ADARB2: variants seen among roughly 807,000 people sequenced by gnomAD.
ADARB2 encodes the protein inactive double-stranded RNA-specific editase B2.
Under a neutral mutation model 62.2 loss-of-function variants are expected in ADARB2, and 25 were observed. The ratio of observed to expected loss-of-function variants is 0.40; its 90% CI spans 0.29 to 0.56. The LOEUF (loss-of-function observed/expected upper bound fraction) is 0.56. Ranked by LOEUF, ADARB2 falls within the 20% of genes least tolerant of loss-of-function variation. The probability of loss-of-function intolerance (pLI) is 0.43; values close to 1 mark genes in which losing one functional copy is unlikely to be tolerated. For missense variants in ADARB2, 1,071 were observed against 1,077.4 expected, an observed-to-expected ratio of 0.99 and a Z score of 0.08; for synonymous variants, 572 against 500.8, an observed-to-expected ratio of 1.14 and a Z score of -1.90.
chr10:1,562,163 C>T (rs1430381537), intron 1 of ADARB2, among the ~76,000 whole-genome samples: 1 of 152,094 alleles, frequency 6.6e-6, no homozygotes, highest in Non-Finnish European at 1.5e-5. Flanking sequence ...TCTCACCCCG[C>T]CCAACCCCCT....
intron 1 of ADARB2, among the ~76,000 whole-genome samples, chr10:1,574,573 C>A (rs771896380): frequency 3.9e-5 from 6 of 152,082 alleles, no homozygotes; most frequent in Non-Finnish European, 7.4e-5. Context: ...GTCGGCAGGG[C>A]TGGTTCCTCC....
chr10:1,231,259 T>G lies in ADARB2; in HGVS notation c.1513+2435A>C, dbSNP rs183109749. On this transcript the variant is annotated intron_variant, in intron 6 of 9. Coordinates refer to ENST00000381312, the MANE Select transcript of ADARB2 (RefSeq NM_018702.4). Reference sequence around the variant, plus strand: ...TTTTCCTCTCAATTCTGAGGGTTCCTAGCTGGGTCTTTACGATGCCAACCC... The same window carrying G: ...TTTTCCTCTCAATTCTGAGGGTTCCGAGCTGGGTCTTTACGATGCCAACCC... Among the ~76,000 whole-genome samples the G allele has an allele frequency of 1.5e-3, 228 of 152,358 alleles. 1 individual carries two copies. The highest frequency in any genetic ancestry group is 4.5e-3 in the African/African-American group (188 of 41,584).
chr10:1,598,300 C>T (rs1833363545), intron 1 of ADARB2, among the ~76,000 whole-genome samples: 1 of 152,126 alleles, frequency 6.6e-6, no homozygotes, highest in Non-Finnish European at 1.5e-5. Flanking sequence ...GGTGGGTGCA[C>T]TGAGACATCC....
chr10:1,528,980 T>C (rs1200592997), intron 1 of ADARB2, among the ~76,000 whole-genome samples: 1 of 152,164 alleles, frequency 6.6e-6, no homozygotes, highest in Non-Finnish European at 1.5e-5. Flanking sequence ...TAGCTTTGCT[T>C]TGGACTAGTT....
intron 7 of ADARB2, among the ~76,000 whole-genome samples, chr10:1,203,478 A>G (rs945224420): frequency 6.6e-6 from 1 of 152,210 alleles, no homozygotes; most frequent in African/African-American, 2.4e-5. Context: ...GTAACTCTCT[A>G]AAGTTACATG....
chr10:1,515,012 C>G (rs955129695), intron 1 of ADARB2, among the ~76,000 whole-genome samples: 1 of 152,090 alleles, frequency 6.6e-6, no homozygotes. Context: ...TGTGAACAGG[C>G]GTTTACACTG....
chr10:1,720,926 G>C (rs1326193610), intron 1 of ADARB2, among the ~76,000 whole-genome samples: 2 of 152,178 alleles, frequency 1.3e-5, no homozygotes, highest in Admixed American at 1.3e-4. Flanking sequence ...AGAAAGCAAA[G>C]GCACCCACCT....
chr10:1,427,381 C>G (rs1426235878), intron 1 of ADARB2, among the ~76,000 whole-genome samples: 1 of 152,190 alleles, frequency 6.6e-6, no homozygotes, highest in African/African-American at 2.4e-5. Flanking sequence ...AACTTAGTAA[C>G]AAAGTCGGCA....
At chr10:1,470,367 G>A (rs1357759618) in intron 1 of ADARB2, among the ~76,000 whole-genome samples, 4 of 152,130 alleles carry the variant, frequency 2.6e-5, no homozygotes, top group East Asian at 1.9e-4. Flanking sequence ...CATATCCTTC[G>A]CTAAGATGCT....
intron 3 of ADARB2, among the ~76,000 whole-genome samples, chr10:1,306,505 A>G (rs939288678): frequency 4.6e-5 from 7 of 152,148 alleles, no homozygotes; most frequent in African/African-American, 1.4e-4. Context: ...TGCAGATTCA[A>G]TGCCATCCCC....
At chr10:1,447,032 G>A (rs764469499) in intron 1 of ADARB2, among the ~76,000 whole-genome samples, 1 of 152,140 alleles carries the variant, frequency 6.6e-6, no homozygotes, top group Non-Finnish European at 1.5e-5. Flanking sequence ...TGTAAAACAC[G>A]AATGAAATTT....
chr10:1,531,479 CA>C (rs1246318436), intron 1 of ADARB2, among the ~76,000 whole-genome samples: 1 of 152,228 alleles, frequency 6.6e-6, no homozygotes, highest in Non-Finnish European at 1.5e-5. Flanking sequence ...AACTGCAGCT[CA>C]GTCAAGCATT....
chr10:1,556,179 G>A (rs988840945), intron 1 of ADARB2, among the ~76,000 whole-genome samples: 2 of 151,952 alleles, frequency 1.3e-5, no homozygotes, highest in East Asian at 1.9e-4. Context: ...ACGAGGACAC[G>A]GCTTCAGGGC....
intron 1 of ADARB2, among the ~76,000 whole-genome samples, chr10:1,456,470 G>A (rs1188255958): frequency 6.6e-6 from 1 of 151,968 alleles, no homozygotes; most frequent in Non-Finnish European, 1.5e-5. Context: ...CATGCCTCCC[G>A]TCCCCGGCCC....
intron 1 of ADARB2, among the ~76,000 whole-genome samples, chr10:1,567,809 A>C (rs1427289518): frequency 2.6e-5 from 4 of 152,184 alleles, no homozygotes. Flanking sequence ...GCGTTTGTTG[A>C]AGGAATGGGA....
chr10:1,300,123 G>T (rs61832043), intron 3 of ADARB2, among the ~76,000 whole-genome samples: 65,536 of 152,048 alleles, frequency 0.43, 15,987 homozygotes, highest in East Asian at 0.69. Flanking sequence ...ATCCTTCCCT[G>T]TTTTGGTGCT....
At chr10:1,195,466 T>C (rs763759774) in intron 8 of ADARB2, among the ~76,000 whole-genome samples, 24 of 149,904 alleles carry the variant, frequency 1.6e-4, no homozygotes, top group Admixed American at 3.3e-4. Context: ...CAAACATTTC[T>C]CTCTCAGAAT....
At chr10:1,471,461 G>A (rs1831321351) in intron 1 of ADARB2, among the ~76,000 whole-genome samples, 1 of 152,122 alleles carries the variant, frequency 6.6e-6, no homozygotes, top group Non-Finnish European at 1.5e-5. Context: ...CGAGGTCTCG[G>A]CTTACCGCAA....
chr10:1,295,774 A>G (rs1011070687), intron 3 of ADARB2, among the ~76,000 whole-genome samples: 1 of 152,204 alleles, frequency 6.6e-6, no homozygotes, highest in African/African-American at 2.4e-5. Context: ...CTTTCAAAAT[A>G]TTTTTCAGAA....
Sources: gnomAD v4.1 joint callset for allele counts (sites outside exome capture counted in the v4.1 genomes callset) on GRCh38, gnomAD v4.1.1 for gene constraint, MANE v1.5 for transcripts, NCBI Gene and HGNC (gene_info 2026-07-23, HGNC 2026-07-21) for gene names.